DCN: variants seen among roughly 807,000 people sequenced by gnomAD.
DCN encodes the protein decorin.
DCN carries 17 observed loss-of-function variants against 36.5 expected under a neutral mutation model. The observed-to-expected ratio is 0.47, with a 90% CI of 0.32 to 0.70. DCN has a LOEUF of 0.70. Ranked by LOEUF, DCN falls within the 30% of genes least tolerant of loss-of-function variation. The pLI is 0.04. For synonymous variants in DCN, 163 were observed against 161.4 expected (o/e 1.01, Z -0.07); for missense variants, 389 against 430.1 (o/e 0.90, Z 0.84).
chr12:91,163,755 C>T (rs1036473859), intron 3 of DCN, among the ~76,000 whole-genome samples: 3 of 152,032 alleles, frequency 2.0e-5, no homozygotes, highest in East Asian at 1.9e-4. Flanking sequence ...AATTATATTT[C>T]GCTAAATGAA....
At chr12:91,167,138 A>C (rs577510479) in intron 2 of DCN, among the ~76,000 whole-genome samples, 14 of 152,048 alleles carry the variant, frequency 9.2e-5, no homozygotes, top group Non-Finnish European at 1.3e-4. Context: ...TTTCTGGCAT[A>C]CCTATCTGTA....
chr12:91,150,891 C>T (rs566528044), intron 7 of DCN: 28 of 152,340 alleles, frequency 1.8e-4, no homozygotes, highest in African/African-American at 6.3e-4. Context: ...GGTACATATA[C>T]ACCGTGGAAT....
In DCN at chr12:91,143,886, A is replaced by G. The variant is rs561809237; in HGVS notation, c.*2172T>C. On this transcript the variant is annotated 3_prime_UTR_variant, in exon 8 of 8. Transcript: ENST00000052754. ...TATATAAAGATATATATGTGTGTGT[A>G]TATATATAAATATGGGGGGAAGTTG... 21 of 150,212 alleles carry G rather than the reference A, an allele frequency of 1.4e-4. No individual in the cohort carries two copies. In the South Asian group the frequency reaches 4.0e-3, roughly 28 times the overall value. 9.3% of individuals were successfully genotyped at this position (150,212 alleles called of 1,614,324 possible). A position where few individuals can be genotyped will look rare whatever the true frequency, so the allele number is the denominator to read the frequency against.
In DCN at chr12:91,143,332, C is replaced by A. The variant is rs1880812849; in HGVS notation, c.*2726G>T. 1 of 152,150 alleles carries A rather than the reference C, an allele frequency of 6.6e-6. No homozygotes were observed. Among genetic ancestry groups the A allele is most frequent in the African/African-American group, 2.4e-5 (1 of 41,422 alleles). The allele number at this position is 152,150 out of a possible 1,614,324, so 9.4% of individuals were successfully genotyped here. A position where few individuals can be genotyped will look rare whatever the true frequency, so the allele number is the denominator to read the frequency against. ...TATTATAGCAGCTGTGAGTTCCTTA[C>A]AGAGGCCAATAAGCAGGAGACAAAA... On this transcript the variant is annotated 3_prime_UTR_variant, in exon 8 of 8. Coordinates refer to ENST00000052754, the MANE Select transcript of DCN (RefSeq NM_001920.5).
intron 7 of DCN, among the ~76,000 whole-genome samples, chr12:91,149,489 T>C (rs1881267377): frequency 1.3e-5 from 2 of 152,280 alleles, no homozygotes. Flanking sequence ...GTGGCTAACA[T>C]CGTAACTAAT....
intron 2 of DCN, among the ~76,000 whole-genome samples, chr12:91,170,903 T>C (rs919247718): frequency 2.0e-5 from 3 of 152,202 alleles, no homozygotes; most frequent in African/African-American, 7.2e-5. Flanking sequence ...GAAACAGTTA[T>C]CCTACCTTAA....
At chr12:91,173,736 T>A (rs568088056) in intron 2 of DCN, among the ~76,000 whole-genome samples, 58 of 152,246 alleles carry the variant, frequency 3.8e-4, no homozygotes, top group African/African-American at 1.3e-3. Context: ...TACAAAATAG[T>A]CCTAATTTAT....
At chr12:91,160,513 A>C (rs1370253893) in intron 3 of DCN, among the ~76,000 whole-genome samples, 4 of 152,030 alleles carry the variant, frequency 2.6e-5, no homozygotes, top group Non-Finnish European at 5.9e-5. Flanking sequence ...TAGTGCACAT[A>C]CTCAAGCCAG....
chr12:91,174,468 A>G (rs2121306013), intron 2 of DCN, among the ~76,000 whole-genome samples: 1 of 152,258 alleles, frequency 6.6e-6, no homozygotes, highest in African/African-American at 2.4e-5. Flanking sequence ...TATATGGCCT[A>G]TACCTATTAT....
chr12:91,168,778 T>C (rs1396202534), intron 2 of DCN, among the ~76,000 whole-genome samples: 2 of 152,260 alleles, frequency 1.3e-5, no homozygotes, highest in Admixed American at 1.3e-4. Context: ...CTATCAAATA[T>C]GTCATTCCCA....
intron 2 of DCN, among the ~76,000 whole-genome samples, chr12:91,165,062 G>C (rs1330466694): frequency 6.6e-6 from 1 of 152,128 alleles, no homozygotes; most frequent in African/African-American, 2.4e-5. Flanking sequence ...ATTTTGATAA[G>C]TAGTCAGCAC....
intron 5 of DCN, among the ~76,000 whole-genome samples, chr12:91,154,013 A>C (rs772091994): frequency 1.5e-4 from 23 of 152,110 alleles, no homozygotes; most frequent in Non-Finnish European, 1.6e-4. Flanking sequence ...TGTTCCACTT[A>C]ATAGCAATAG....
rs1196130342 is a variant in DCN at position 91,143,122 on chromosome 12, C to T, written c.*2936G>A. ...TGAAGATGGAGGCATAAATTAGAGT[C>T]ACGCTGCCATAAGGCAAAGAACACC... On this transcript the variant is annotated 3_prime_UTR_variant, in exon 8 of 8. Transcript: ENST00000052754. 6.6e-6 allele frequency: 1 copy of T among 152,130 alleles called. No individual in the cohort carries two copies. Among genetic ancestry groups the T allele is most frequent in the African/African-American group, 2.4e-5 (1 of 41,398 alleles). 9.4% of individuals were successfully genotyped at this position (152,130 alleles called of 1,614,324 possible).
At chr12:91,148,755 A>C (rs3138279) in intron 7 of DCN, among the ~76,000 whole-genome samples, 1 of 149,934 alleles carries the variant, frequency 6.7e-6, no homozygotes, top group Non-Finnish European at 1.5e-5. Context: ...AAAAATTTGA[A>C]ATATTGTTCT....
intron 5 of DCN, 135 bp from the exon 6 acceptor site, chr12:91,153,324 C>CT (rs917422911): frequency 5.7e-4 from 375 of 653,234 alleles, no homozygotes; most frequent in East Asian, 7.4e-4. Flanking sequence ...TTACTTTTAT[C>CT]TTTTTTTTTC....
intron 3 of DCN, 83 bp downstream of exon 3, chr12:91,164,522 G>T: frequency 3.1e-6 from 2 of 647,700 alleles, no homozygotes; most frequent in Non-Finnish European, 2.9e-6. Flanking sequence ...TTGGTACATA[G>T]TACTCTTGGC....
At chr12:91,146,544 G>A (rs1881039392) in intron 7 of DCN, among the ~76,000 whole-genome samples, 1 of 151,402 alleles carries the variant, frequency 6.6e-6, no homozygotes, top group African/African-American at 2.4e-5. Context: ...AGTAGAGTTG[G>A]GTTTTCACCA....
At position 91,141,589 on chromosome 12, in the gene DCN, A is replaced by G. The variant is rs912700763; in HGVS notation, c.*4469T>C. On this transcript the variant is annotated 3_prime_UTR_variant, in exon 8 of 8. Transcript: ENST00000052754. ...ACTGCTGTGTCTCTGCCACTAGAAC[A>G]CTGTCAAGCACACAGTAGGTTATTA... The G allele has an allele frequency of 1.3e-5, 2 of 152,204 alleles. No homozygotes were observed. Among genetic ancestry groups the G allele is most frequent in the African/African-American group, 4.8e-5 (2 of 41,448 alleles). The allele number at this position is 152,204 out of a possible 1,614,324, so 9.4% of individuals were successfully genotyped here. A position where few individuals can be genotyped will look rare whatever the true frequency, so the allele number is the denominator to read the frequency against.
At chr12:91,180,180 T>G (rs948325942) in intron 1 of DCN, 1 of 151,948 alleles carries the variant, frequency 6.6e-6, no homozygotes, top group Non-Finnish European at 1.5e-5. Context: ...AGTCCCATCA[T>G]CTCTACCTTG....
Sources: gnomAD v4.1 joint callset for allele counts (sites outside exome capture counted in the v4.1 genomes callset) on GRCh38, gnomAD v4.1.1 for gene constraint, MANE v1.5 for transcripts, NCBI Gene and HGNC (gene_info 2026-07-23, HGNC 2026-07-21) for gene names.